EVC2: variants seen among roughly 807,000 people sequenced by gnomAD.
EVC2 encodes limbin.
In EVC2, 148 loss-of-function variants were observed where a neutral mutation model predicts 149.3. That is an observed-to-expected ratio of 0.99 (90% confidence interval 0.87 to 1.14). The LOEUF (loss-of-function observed/expected upper bound fraction) is 1.14, where lower values mean the gene tolerates loss of function less well. Among genes scored for constraint, EVC2 ranks in the 50% most tolerant of loss-of-function variants. The probability of loss-of-function intolerance (pLI) is 0.00; values close to 1 mark genes in which losing one functional copy is unlikely to be tolerated. For synonymous variants in EVC2, 776 were observed against 649.9 expected, an observed-to-expected ratio of 1.19 and a Z score of -2.95; for missense variants, 1,854 against 1,627.3, an observed-to-expected ratio of 1.14 and a Z score of -2.40.
intron 7 of EVC2, among the ~76,000 whole-genome samples, chr4:5,666,329 A>C (rs759429208): frequency 4.6e-4 from 69 of 151,124 alleles, no homozygotes; most frequent in South Asian, 8.5e-4. Context: ...GATTAGGCAA[A>C]ATTTGCTCAC....
chr4:5,534,411 G>T, the EVC2 span, among the ~76,000 whole-genome samples: 9 of 152,126 alleles, frequency 5.9e-5, no homozygotes, highest in Non-Finnish European at 1.5e-5. Flanking sequence ...GAAAACAGAG[G>T]CATCATATAA....
chr4:5,603,796 G>T (rs144006328), intron 16 of EVC2, among the ~76,000 whole-genome samples: 1 of 152,158 alleles, frequency 6.6e-6, no homozygotes, highest in Non-Finnish European at 1.5e-5. Flanking sequence ...CAGAAATAAC[G>T]GGTGAAGAGG....
chr4:5,570,181 T>C (rs1350167029), intron 19 of EVC2, among the ~76,000 whole-genome samples: 1 of 152,208 alleles, frequency 6.6e-6, no homozygotes, highest in African/African-American at 2.4e-5. Context: ...GACACACGCT[T>C]CTCTGTCCCC....
At chr4:5,678,779 C>T (rs1489636169) in intron 7 of EVC2, among the ~76,000 whole-genome samples, 1 of 152,096 alleles carries the variant, frequency 6.6e-6, no homozygotes, top group African/African-American at 2.4e-5. Context: ...GCCTGTAATC[C>T]CAGCACTTTG....
chr4:5,668,122 C>T (rs1719392551), intron 7 of EVC2, among the ~76,000 whole-genome samples: 1 of 152,210 alleles, frequency 6.6e-6, no homozygotes, highest in South Asian at 2.1e-4. Context: ...CAAAATGGCT[C>T]CAGACCATGG....
At chr4:5,662,093 C>T (rs1023942661) in intron 9 of EVC2, among the ~76,000 whole-genome samples, 2 of 152,174 alleles carry the variant, frequency 1.3e-5, no homozygotes, top group African/African-American at 4.8e-5. Flanking sequence ...TCTTTATTTT[C>T]TATACTCAAT....
chr4:5,687,262 A>G (rs569178027), intron 5 of EVC2, among the ~76,000 whole-genome samples: 21 of 152,140 alleles, frequency 1.4e-4, no homozygotes, highest in African/African-American at 5.1e-4. Context: ...CATCTCAAAA[A>G]AAAAGAAAAG....
At chr4:5,691,228 T>C (rs1721098798) in intron 4 of EVC2, 37 bp downstream of exon 4, 1 of 1,580,686 alleles carries the variant, frequency 6.3e-7, no homozygotes, top group Non-Finnish European at 8.7e-7. Flanking sequence ...AATCCAATTA[T>C]TTTCTCTTCA....
intron 17 of EVC2, among the ~76,000 whole-genome samples, chr4:5,579,757 A>G (rs1013434980): frequency 2.0e-5 from 3 of 152,142 alleles, no homozygotes; most frequent in African/African-American, 7.2e-5. Flanking sequence ...AGGACAATCA[A>G]TTGAACCCAG....
chr4:5,596,553 G>A (rs1344411178), intron 16 of EVC2, among the ~76,000 whole-genome samples: 1 of 152,072 alleles, frequency 6.6e-6, no homozygotes, highest in African/African-American at 2.4e-5. Context: ...CAGAATCTCT[G>A]GGATGCATTC....
chr4:5,568,605 G>T lies in EVC2; in HGVS notation c.3396C>A (p.Ala1132=), dbSNP rs753888346. The part of the protein sequence containing the change: ...LRLASYLARM[A]MVPGATLRRL... ...GGCGAAGCGTGGCCCCGGGCACCAT[G>T]GCCATCCTCGCCAGGTACGATGCCA... is the stretch of plus-strand genomic sequence containing the variant. Residue 1132 remains alanine (A), a synonymous_variant, in exon 20 of 22, where the codon GCC becomes GCA. Coordinates refer to ENST00000344408, the MANE Select transcript of EVC2 (RefSeq NM_147127.5). 6.2e-7 allele frequency: 1 copy of T among 1,609,180 alleles called. No homozygotes were observed. The highest frequency in any genetic ancestry group is 8.5e-7 in the Non-Finnish European group (1 of 1,179,804).
Position 5,565,331 on chromosome 4 carries a change from C to T in EVC2, c.3586G>A (p.Asp1196Asn). The T allele has an allele frequency of 6.2e-7, 1 of 1,614,120 alleles. No homozygotes were observed. Among genetic ancestry groups the T allele is most frequent in the Non-Finnish European group, 8.5e-7 (1 of 1,180,010 alleles). ...RKHQSWWQALDGKLRGDLISR... is the reference protein window; with the variant it reads ...RKHQSWWQALNGKLRGDLISR... ...ATCAGATCTCCTCGCAGTTTGCCATCTAAGGCTTGCCACCAGCTCTGGTGT... is the reference window on the plus strand; with the variant it reads ...ATCAGATCTCCTCGCAGTTTGCCATTTAAGGCTTGCCACCAGCTCTGGTGT... The change falls in exon 21 of 22, where the codon GAT becomes AAT. Residue 1196 changes from aspartate (D) to asparagine (N), a missense_variant. By Grantham distance (23) the Asp-to-Asn change is conservative. Transcript: ENST00000344408.
intron 19 of EVC2, among the ~76,000 whole-genome samples, chr4:5,570,227 C>A (rs1722564383): frequency 2.0e-5 from 3 of 152,202 alleles, no homozygotes. Context: ...GAGAGGGTGA[C>A]CAACAGACAT....
chr4:5,597,072 C>T (rs1015268512), intron 16 of EVC2, among the ~76,000 whole-genome samples: 1 of 152,158 alleles, frequency 6.6e-6, no homozygotes, highest in Admixed American at 6.5e-5. Context: ...TGGCAATAAT[C>T]AATAGCTTAC....
At chr4:5,665,425 T>C in intron 8 of EVC2, 90 bp downstream of exon 8, 3 of 1,585,918 alleles carry the variant, frequency 1.9e-6, no homozygotes, top group East Asian at 2.2e-5. Flanking sequence ...GCAATGCTGA[T>C]GGGGATCCAG....
At chr4:5,646,398 CT>C (rs762298506) in intron 9 of EVC2, among the ~76,000 whole-genome samples, 4 of 151,444 alleles carry the variant, frequency 2.6e-5, no homozygotes, top group African/African-American at 7.3e-5. Flanking sequence ...TTTTTAATGG[CT>C]TTTTTTTCCT....
chr4:5,701,447 C>T (rs1418953734), intron 1 of EVC2, among the ~76,000 whole-genome samples: 2 of 152,158 alleles, frequency 1.3e-5, no homozygotes, highest in African/African-American at 4.8e-5. Context: ...TTCTCCCTTC[C>T]TGAAATGCTC....
At position 5,625,171 on chromosome 4, in the gene EVC2, A is replaced by G. The variant is rs927692220; in HGVS notation, c.2046+578T>C. The stretch of plus-strand genomic sequence containing the variant: ...AGGTAACCCCTTAGCACGGCACACC[A>G]TGCCCCCATTGACTTGCTGCTGCAT... On this transcript the variant is annotated intron_variant, in intron 13 of 21. Transcript: ENST00000344408. The surrounding 1 kb of genome is among the most constrained non-coding windows in gnomAD (Gnocchi z 4.0). Among the ~76,000 whole-genome samples the G allele has an allele frequency of 6.6e-6, 1 of 152,024 alleles. No homozygotes were observed. The highest frequency in any genetic ancestry group is 2.4e-5 in the African/African-American group (1 of 41,396).
intron 9 of EVC2, among the ~76,000 whole-genome samples, chr4:5,660,504 C>T (rs1432139116): frequency 2.0e-5 from 3 of 152,182 alleles, no homozygotes; most frequent in Non-Finnish European, 2.9e-5. Context: ...GACACCACTT[C>T]CTGGACCCAG....
Sources: allele counts gnomAD v4.1 joint callset (sites outside exome capture counted in the v4.1 genomes callset), GRCh38; gene constraint gnomAD v4.1.1; non-coding constraint Gnocchi (gnomAD v3.1); transcripts MANE v1.5; gene names NCBI Gene and HGNC (gene_info 2026-07-23, HGNC 2026-07-21).